TOGARAM1: variants seen among roughly 807,000 people sequenced by gnomAD.
The protein encoded by TOGARAM1 is TOG array regulator of axonemal microtubules protein 1.
Under a neutral mutation model 166.6 loss-of-function variants are expected in TOGARAM1, and 100 were observed. The ratio of observed to expected loss-of-function variants is 0.60; its 90% confidence interval spans 0.51 to 0.71. The LOEUF (loss-of-function observed/expected upper bound fraction) is 0.71, where lower values mean the gene tolerates loss of function less well. TOGARAM1 is among the 30% of genes least tolerant of loss of function. The probability of loss-of-function intolerance (pLI) is 0.00; values close to 1 mark genes in which losing one functional copy is unlikely to be tolerated. For synonymous variants in TOGARAM1, 758 were observed against 763.8 expected, an observed-to-expected ratio of 0.99 and a Z score of 0.13; for missense variants, 2,029 against 2,102.7, an observed-to-expected ratio of 0.96 and a Z score of 0.69.
In TOGARAM1 at chr14:45,074,131, G is replaced by A. The variant is rs1372072924; in HGVS notation, c.*570G>A. 4 of 152,586 alleles carry A rather than the reference G, an allele frequency of 2.6e-5. No individual in the cohort carries two copies. The highest frequency in any genetic ancestry group is 5.9e-5 in the Non-Finnish European group (4 of 68,040). 9.5% of individuals were successfully genotyped at this position (152,586 alleles called of 1,614,324 possible). A position where few individuals can be genotyped will look rare whatever the true frequency, so the allele number is the denominator to read the frequency against. ...TTTGGGTTCAATTATCTACATAATT[G>A]TGAAATTTAACAAGTTATAATAAAG... On this transcript the variant is annotated 3_prime_UTR_variant, in exon 20 of 20. Transcript: ENST00000361462.
intron 16 of TOGARAM1, among the ~76,000 whole-genome samples, chr14:45,060,278 G>C (rs1003149624): frequency 6.7e-6 from 1 of 148,656 alleles, no homozygotes; most frequent in Admixed American, 6.7e-5. Context: ...TGCAGTGGCA[G>C]GATCTTGGCT....
intron 7 of TOGARAM1, among the ~76,000 whole-genome samples, chr14:45,024,004 G>T (rs1244556400): frequency 1.3e-5 from 2 of 152,190 alleles, no homozygotes; most frequent in South Asian, 2.1e-4. Flanking sequence ...GCCCCACAAA[G>T]TGCTGGGATT....
At position 45,052,489 on chromosome 14, in the gene TOGARAM1, A is replaced by G; in HGVS notation, c.4367A>G (p.Lys1456Arg). ...FFMMCHPNFE[K>R]MLEKYVPSKD... ...ATGATGTGTCATCCTAACTTTGAAA[A>G]AATGCTTGAAAAGTATGTCCCATCT... is the stretch of plus-strand genomic sequence containing the variant. The change falls in exon 15 of 20, where the codon AAA becomes AGA. Residue 1456 changes from lysine to arginine, a missense_variant. Around this residue, in one of 2 missense-constraint regions of TOGARAM1, gnomAD observed 576 missense variants for 670.5 expected, o/e 0.86. Transcript: ENST00000361462. 6.2e-7 allele frequency: 1 copy of G among 1,613,224 alleles called. No homozygotes were observed.
intron 14 of TOGARAM1, among the ~76,000 whole-genome samples, chr14:45,051,503 T>G (rs1410224731): frequency 1.4e-5 from 2 of 139,480 alleles, no homozygotes; most frequent in East Asian, 5.0e-4. Flanking sequence ...GGCAGAAGGA[T>G]TTGAAGACAG....
chr14:45,048,208 C>T (rs531259036), intron 14 of TOGARAM1, among the ~76,000 whole-genome samples: 19 of 150,198 alleles, frequency 1.3e-4, no homozygotes, highest in African/African-American at 3.4e-4. Flanking sequence ...AAAAATTAGC[C>T]GGGCATGGCG....
chr14:45,006,797 T>C (rs1184087561), intron 5 of TOGARAM1: 1 of 152,190 alleles, frequency 6.6e-6, no homozygotes, highest in African/African-American at 2.4e-5. Context: ...GATCAGTCTT[T>C]TGCAATTGCA....
chr14:44,984,410 T>G (rs1287643469), intron 1 of TOGARAM1, among the ~76,000 whole-genome samples: 2 of 151,898 alleles, frequency 1.3e-5, no homozygotes, highest in Admixed American at 1.3e-4. Context: ...TTTCAAAAAT[T>G]TTAAATAAAT....
At chr14:45,044,217 C>A (rs182270672) in intron 12 of TOGARAM1, among the ~76,000 whole-genome samples, 137 of 152,160 alleles carry the variant, frequency 9.0e-4, no homozygotes, top group Middle Eastern at 3.4e-3. Context: ...ACCATATTGG[C>A]CAGGCTGGTC....
At chr14:45,049,834 TA>T (rs990688394) in intron 14 of TOGARAM1, among the ~76,000 whole-genome samples, 66 of 146,980 alleles carry the variant, frequency 4.5e-4, no homozygotes, top group African/African-American at 5.7e-4. Context: ...ATCACCTTGT[TA>T]AAAAAAAAAA....
Position 44,962,289 on chromosome 14 carries a change from G to A in TOGARAM1, c.-133G>A. On this transcript the variant is annotated 5_prime_UTR_variant, in exon 1 of 20. Transcript: ENST00000361462. ...TGCCTCCCGGAGTTGGGGGCGGCCT[G>A]GCGGCAGGCTGAAGCTGTTCTTTTG... 1 of 1,185,308 alleles carries A rather than the reference G, an allele frequency of 8.4e-7. No homozygotes were observed. The highest frequency in any genetic ancestry group is 1.1e-6 in the Non-Finnish European group (1 of 888,954). The allele number at this position is 1,185,308 out of a possible 1,614,324, so 73.4% of individuals were successfully genotyped here. A position where few individuals can be genotyped will look rare whatever the true frequency, so the allele number is the denominator to read the frequency against.
intron 13 of TOGARAM1, among the ~76,000 whole-genome samples, chr14:45,045,158 T>C (rs1314217455): frequency 6.6e-6 from 1 of 152,034 alleles, no homozygotes; most frequent in Non-Finnish European, 1.5e-5. Context: ...ACAATTATTA[T>C]TTTTTTATTA....
Position 44,989,550 on chromosome 14 carries a change from T to TA in TOGARAM1, c.2047-6184dup, listed in dbSNP as rs111606001. Among the ~76,000 whole-genome samples the TA allele has an allele frequency of 5.3e-3, 777 of 145,722 alleles. 2 individuals carry two copies. Among genetic ancestry groups the TA allele is most frequent in the African/African-American group, 9.4e-3 (380 of 40,248 alleles). On this transcript the variant is annotated intron_variant, in intron 1 of 19. Transcript: ENST00000361462. ...AAAGGAGCAGCCTATATCAGTACAT[T>TA]AAAAAAAAAAAACTGTATTAGTCCA...
intron 7 of TOGARAM1, among the ~76,000 whole-genome samples, chr14:45,012,764 T>C (rs1879885087): frequency 6.6e-6 from 1 of 152,236 alleles, no homozygotes; most frequent in Non-Finnish European, 1.5e-5. Context: ...CTTTATATTA[T>C]AATCACCTTC....
chr14:45,072,961 T>C (rs1476501658), intron 19 of TOGARAM1, among the ~76,000 whole-genome samples: 2 of 152,354 alleles, frequency 1.3e-5, no homozygotes, highest in African/African-American at 4.8e-5. Flanking sequence ...AGAAAACTGC[T>C]ATTTCAAAGT....
At chr14:44,991,410 A>AAAAG (rs1887129913) in intron 1 of TOGARAM1, among the ~76,000 whole-genome samples, 1 of 152,214 alleles carries the variant, frequency 6.6e-6, no homozygotes, top group Admixed American at 6.5e-5. Context: ...TCAATCTGAG[A>AAAAG]AAAGCCTGGG....
intron 14 of TOGARAM1, 151 bp from the exon 15 acceptor site, chr14:45,052,285 G>A (rs1882410489): frequency 1.6e-6 from 1 of 611,086 alleles, no homozygotes; most frequent in African/African-American, 1.8e-5. Flanking sequence ...ATACAGTTAG[G>A]ATATCTATAT....
chr14:45,061,660 C>T (rs1882907616), intron 16 of TOGARAM1, among the ~76,000 whole-genome samples: 1 of 151,890 alleles, frequency 6.6e-6, no homozygotes, highest in Non-Finnish European at 1.5e-5. Flanking sequence ...TATTTTGTTA[C>T]TATTGTGAAT....
rs781306791 is a variant in TOGARAM1, at chr14:45,073,429, C to T, written c.5190C>T (p.Ala1730=). 6.2e-7 allele frequency: 1 copy of T among 1,614,014 alleles called. No homozygotes were observed. The highest frequency in any genetic ancestry group is 1.7e-5 in the Admixed American group (1 of 59,992). The change falls in exon 20 of 20, where the codon GCC becomes GCT. Residue 1730 remains alanine (A), a synonymous_variant. Coordinates refer to ENST00000361462, the MANE Select transcript of TOGARAM1 (RefSeq NM_001308120.2). ...LPGAGGNIRT[A]TAKLSKALFA... ...GAGCTGGAGGAAATATACGAACAGC[C>T]ACAGCTAAATTATCAAAAGCACTCT...
Position 45,074,085 on chromosome 14 carries a change from A to G in TOGARAM1, c.*524A>G, listed in dbSNP as rs551599097. Reference sequence around the variant, plus strand: ...TTAGCTTGCTTTTGCTGCTGTGTTAATGTCATATATTTGCTTACCTTTTGG... The same window carrying G: ...TTAGCTTGCTTTTGCTGCTGTGTTAGTGTCATATATTTGCTTACCTTTTGG... On this transcript the variant is annotated 3_prime_UTR_variant, in exon 20 of 20. Transcript: ENST00000361462. 1 of 152,782 alleles carries G rather than the reference A, an allele frequency of 6.5e-6. No individual in the cohort carries two copies. Among genetic ancestry groups the G allele is most frequent in the South Asian group, 2.1e-4 (1 of 4,832 alleles). The allele number at this position is 152,782 out of a possible 1,614,324, so 9.5% of individuals were successfully genotyped here.
Sources: allele counts gnomAD v4.1 joint callset (sites outside exome capture counted in the v4.1 genomes callset), GRCh38; gene constraint gnomAD v4.1.1; regional missense constraint gnomAD v4.1.1; transcripts MANE v1.5; gene names NCBI Gene and HGNC (gene_info 2026-07-23, HGNC 2026-07-21).